Variants in CHD2 observed in about 807,000 individuals in gnomAD.
CHD2 encodes the protein ATP-dependent chromatin remodeler CHD2.
A neutral mutation model predicts 243.9 loss-of-function variants in CHD2; 28 were observed. The ratio of observed to expected loss-of-function variants is 0.11; its 90% CI spans 0.09 to 0.16. CHD2 has a LOEUF of 0.16. Among genes scored for constraint, CHD2 ranks in the 10% least tolerant of loss-of-function variants. CHD2 has a pLI of 1.00. For missense variants in CHD2, 1,386 were observed against 2,209.8 expected (o/e 0.63, Z 7.47); for synonymous variants, 775 against 779.0 (o/e 0.99, Z 0.09).
At chr15:92,923,086 A>G (rs2052990350) in intron 2 of CHD2, among the ~76,000 whole-genome samples, 2 of 152,138 alleles carry the variant, frequency 1.3e-5, no homozygotes, top group African/African-American at 4.8e-5. Context: ...TGTTAAGTCT[A>G]CCACTTCTGG....
intron 13 of CHD2, among the ~76,000 whole-genome samples, chr15:92,952,500 C>T (rs1227375595): frequency 6.6e-6 from 1 of 152,196 alleles, no homozygotes; most frequent in Admixed American, 6.5e-5. Flanking sequence ...AACAGATCAC[C>T]AGGCATTAGG....
intron 16 of CHD2, 98 bp from the exon 17 acceptor site, chr15:92,967,227 G>T (rs369781174): frequency 1.2e-6 from 1 of 842,700 alleles, no homozygotes; most frequent in Non-Finnish European, 1.8e-6. Context: ...GATTGATAAT[G>T]TCTTTCCTTA....
At chr15:92,917,321 G>A (rs2052858727) in intron 2 of CHD2, among the ~76,000 whole-genome samples, 1 of 152,184 alleles carries the variant, frequency 6.6e-6, no homozygotes, top group Admixed American at 6.5e-5. Context: ...CACTTTGGGA[G>A]GCCAAGGCGG....
At chr15:92,930,161 T>C (rs2053139339) in intron 5 of CHD2, among the ~76,000 whole-genome samples, 1 of 152,180 alleles carries the variant, frequency 6.6e-6, no homozygotes, top group Non-Finnish European at 1.5e-5. Context: ...TGGGAGACTA[T>C]TATCTGCTTA....
At chr15:92,953,792 G>T in intron 14 of CHD2, 2 of 536,300 alleles carry the variant, frequency 3.7e-6, no homozygotes, top group South Asian at 2.4e-5. Context: ...TATGTGAGTG[G>T]GAATCTCTTT....
chr15:92,998,788 G>A lies in CHD2; in HGVS notation c.4008+167G>A, dbSNP rs1338403921. 6.6e-6 allele frequency among the ~76,000 whole-genome samples: 1 copy of A among 152,058 alleles called. No individual in the cohort carries two copies. The highest frequency in any genetic ancestry group is 1.5e-5 in the Non-Finnish European group (1 of 67,992). Reference sequence around the variant, plus strand: ...AATGATGCTTTGCTTGGTAATAATAGAAATGTTCATTTAGGCCTGGCGCAG... The same window carrying A: ...AATGATGCTTTGCTTGGTAATAATAAAAATGTTCATTTAGGCCTGGCGCAG... On this transcript the variant is annotated intron_variant, in intron 31 of 38. Coordinates refer to ENST00000394196, the MANE Select transcript of CHD2 (RefSeq NM_001271.4). This position sits in a 1 kb window ranked among gnomAD's most constrained non-coding sequence, Gnocchi z 5.1.
At chr15:92,965,550 C>T (rs1336323452) in intron 16 of CHD2, among the ~76,000 whole-genome samples, 1 of 134,246 alleles carries the variant, frequency 7.4e-6, no homozygotes, top group Non-Finnish European at 1.5e-5. Context: ...GGCGACAGAG[C>T]CGAGACTCTT....
chr15:92,935,038 C>CTT (rs35542698), intron 5 of CHD2, among the ~76,000 whole-genome samples: 101 of 138,692 alleles, frequency 7.3e-4, no homozygotes, highest in African/African-American at 1.4e-3. Context: ...TTCTTTCTTT[C>CTT]TTTTTTTTTT....
At chr15:93,014,253 A>G (rs1014241791) in intron 36 of CHD2, among the ~76,000 whole-genome samples, 1 of 152,118 alleles carries the variant, frequency 6.6e-6, no homozygotes, top group Non-Finnish European at 1.5e-5. Context: ...GATAAGGAGT[A>G]ATGTTACTCC....
chr15:93,022,712 T>A (rs2054547776), intron 38 of CHD2, among the ~76,000 whole-genome samples: 1 of 152,236 alleles, frequency 6.6e-6, no homozygotes, highest in Non-Finnish European at 1.5e-5. Context: ...CTGTGAACTC[T>A]GGCCACCTTG....
At chr15:92,933,002 C>T (rs1278638165) in intron 5 of CHD2, among the ~76,000 whole-genome samples, 1 of 151,482 alleles carries the variant, frequency 6.6e-6, no homozygotes, top group African/African-American at 2.4e-5. Flanking sequence ...CTCAGCCTCC[C>T]TAAGTGCTGG....
At chr15:92,907,694 TTAAA>T (rs1339644440) in intron 2 of CHD2, among the ~76,000 whole-genome samples, 5 of 152,224 alleles carry the variant, frequency 3.3e-5, no homozygotes, top group Admixed American at 1.3e-4. Context: ...GTCATGAAGA[TTAAA>T]TAATATAGTG....
chr15:92,977,686 A>G (rs1170930313), intron 20 of CHD2, among the ~76,000 whole-genome samples: 1 of 152,040 alleles, frequency 6.6e-6, no homozygotes, highest in Non-Finnish European at 1.5e-5. Context: ...TGATTTTTTT[A>G]TAATTTTGGC....
rs1373849756 is a variant in CHD2 at position 93,027,110 on chromosome 15, T to C, written c.*2405T>C. The C allele has an allele frequency of 6.5e-6, 1 of 152,678 alleles. No homozygotes were observed. The highest frequency in any genetic ancestry group is 1.9e-4 in the East Asian group (1 of 5,198). The allele number at this position is 152,678 out of a possible 1,614,324, so 9.5% of individuals were successfully genotyped here. ...CAGTGTCCCCATTAGACAACTATTT[T>C]AGGTGCTGGAGTATGTTTGAAGAGT... is the stretch of plus-strand genomic sequence containing the variant. On this transcript the variant is annotated 3_prime_UTR_variant, in exon 39 of 39. Transcript: ENST00000394196.
chr15:92,975,006 A>G (rs2053889180), intron 20 of CHD2, 56 bp downstream of exon 20: 1 of 1,405,998 alleles, frequency 7.1e-7, no homozygotes, highest in East Asian at 2.3e-5. Flanking sequence ...TCAAGGGGAA[A>G]GTCTCTCTCG....
At chr15:92,964,041 G>A (rs1482732481) in intron 16 of CHD2, among the ~76,000 whole-genome samples, 1 of 152,222 alleles carries the variant, frequency 6.6e-6, no homozygotes, top group African/African-American at 2.4e-5. Context: ...TTAAGTAGCT[G>A]TGGCATTCCA....
chr15:93,006,543 A>C (rs921228208), intron 34 of CHD2, among the ~76,000 whole-genome samples: 20 of 152,362 alleles, frequency 1.3e-4, no homozygotes, highest in African/African-American at 4.6e-4. Context: ...GCTCACATTA[A>C]TAGCCAGTTA....
rs11542973 is a variant in CHD2, at chr15:93,027,799, T to C, written c.*3094T>C. ...CTCATCTGGGGACAGATGGTTTTTC[T>C]TTATTGTAAAATTGTGGACTTTTAA... On this transcript the variant is annotated 3_prime_UTR_variant, in exon 39 of 39. Transcript: ENST00000394196. The C allele has an allele frequency of 9.5e-4, 145 of 152,756 alleles. No homozygotes were observed. The highest frequency in any genetic ancestry group is 3.2e-3 in the African/African-American group (134 of 41,580). 9.5% of individuals were successfully genotyped at this position (152,756 alleles called of 1,614,324 possible).
intron 6 of CHD2, 36 bp from the exon 7 acceptor site, chr15:92,939,541 GT>G: frequency 6.2e-7 from 1 of 1,600,628 alleles, no homozygotes; most frequent in South Asian, 1.1e-5. Flanking sequence ...AAATGATAAA[GT>G]GAAGACTTAG....
Sources: gnomAD v4.1 joint callset for allele counts (sites outside exome capture counted in the v4.1 genomes callset) on GRCh38, gnomAD v4.1.1 for gene constraint, Gnocchi (gnomAD v3.1) non-coding constraint, MANE v1.5 for transcripts, NCBI Gene and HGNC (gene_info 2026-07-23, HGNC 2026-07-21) for gene names.